The following NFYC variants were observed in gnomAD, a reference collection of about 807,000 sequenced individuals.
NFYC encodes CAAT box DNA-binding protein subunit C.
A neutral mutation model predicts 53.1 loss-of-function variants in NFYC; 25 were observed. That is an observed-to-expected ratio of 0.47 (90% confidence interval 0.34 to 0.66). The LOEUF (loss-of-function observed/expected upper bound fraction) is 0.66, where lower values mean the gene tolerates loss of function less well. NFYC is among the 30% of genes least tolerant of loss of function. The pLI is 0.01. For synonymous variants in NFYC, 145 were observed against 152.6 expected (o/e 0.95, Z 0.37); for missense variants, 260 against 422.7 (o/e 0.62, Z 3.38).
chr1:40,708,694 A>G (rs1643836588), intron 1 of NFYC, among the ~76,000 whole-genome samples: 1 of 152,258 alleles, frequency 6.6e-6, no homozygotes, highest in Non-Finnish European at 1.5e-5. Flanking sequence ...TGCCACTAAC[A>G]TAATGACAGA....
intron 1 of NFYC, among the ~76,000 whole-genome samples, chr1:40,721,946 G>A (rs1009340481): frequency 3.9e-5 from 6 of 152,078 alleles, no homozygotes; most frequent in Non-Finnish European, 7.4e-5. Flanking sequence ...CAAGGTGGGC[G>A]GATCAGGAGG....
At chr1:40,692,367 G>A (rs1400412860) in intron 1 of NFYC, 2 of 153,264 alleles carry the variant, frequency 1.3e-5, no homozygotes, top group African/African-American at 4.8e-5. Context: ...GGGTAGCTTA[G>A]GCCATGGCCT....
At chr1:40,730,111 A>G (rs954242468) in intron 1 of NFYC, among the ~76,000 whole-genome samples, 4 of 151,846 alleles carry the variant, frequency 2.6e-5, no homozygotes, top group African/African-American at 7.3e-5. Flanking sequence ...CTGCTGCCCA[A>G]GTGATCCTCC....
At chr1:40,764,091 T>A (rs1386912258) in intron 7 of NFYC, among the ~76,000 whole-genome samples, 1 of 152,252 alleles carries the variant, frequency 6.6e-6, no homozygotes, top group Non-Finnish European at 1.5e-5. Context: ...TTATTTGTAC[T>A]CCTTTTGTAA....
At chr1:40,692,688 C>A (rs1261075333) in intron 1 of NFYC, among the ~76,000 whole-genome samples, 1 of 152,030 alleles carries the variant, frequency 6.6e-6, no homozygotes, top group East Asian at 1.9e-4. Flanking sequence ...GCCCTGGAGT[C>A]CAGAGTCAAC....
At chr1:40,697,378 T>C (rs1643206289) in intron 1 of NFYC, among the ~76,000 whole-genome samples, 1 of 152,168 alleles carries the variant, frequency 6.6e-6, no homozygotes, top group African/African-American at 2.4e-5. Flanking sequence ...CCTAATTTAG[T>C]TGTGCTGTTG....
At chr1:40,750,076 T>C (rs1242255443) in intron 4 of NFYC, among the ~76,000 whole-genome samples, 1 of 152,194 alleles carries the variant, frequency 6.6e-6, no homozygotes, top group Non-Finnish European at 1.5e-5. Context: ...CCAGGAAGTA[T>C]CATCAGTCTC....
chr1:40,749,753 G>A lies in NFYC; in HGVS notation c.291+67G>A. ...CAGCCTTTGCCTGTTTTCCTGCGTGGTGTTGGAGAAAGATTGTTCTCCTTT... is the reference window on the plus strand; with the variant it reads ...CAGCCTTTGCCTGTTTTCCTGCGTGATGTTGGAGAAAGATTGTTCTCCTTT... On this transcript the variant is annotated intron_variant, in intron 4 of 9. Transcript: ENST00000447388. The A allele has an allele frequency of 2.3e-6, 3 of 1,299,530 alleles. No individual in the cohort carries two copies. The South Asian group carries it at 3.6e-5, about 15-fold the overall frequency. 80.5% of individuals were successfully genotyped at this position (1,299,530 alleles called of 1,614,324 possible). A position where few individuals can be genotyped will look rare whatever the true frequency, so the allele number is the denominator to read the frequency against.
chr1:40,766,382 G>T (rs1375342399), intron 7 of NFYC, among the ~76,000 whole-genome samples: 2 of 152,152 alleles, frequency 1.3e-5, no homozygotes, highest in African/African-American at 2.4e-5. Context: ...TCCATTCAGG[G>T]AATATATTCT....
At chr1:40,695,180 A>G (rs1643061433) in intron 1 of NFYC, among the ~76,000 whole-genome samples, 1 of 152,194 alleles carries the variant, frequency 6.6e-6, no homozygotes, top group Non-Finnish European at 1.5e-5. Context: ...TAGAGGTTGC[A>G]GTGAGCTGAG....
chr1:40,732,731 T>C (rs969216643), intron 1 of NFYC, among the ~76,000 whole-genome samples: 6 of 152,200 alleles, frequency 3.9e-5, no homozygotes, highest in African/African-American at 1.2e-4. Flanking sequence ...TTGAAAAGAT[T>C]TACACTTGAG....
chr1:40,705,796 G>C (rs1643666368), intron 1 of NFYC, among the ~76,000 whole-genome samples: 1 of 152,116 alleles, frequency 6.6e-6, no homozygotes, highest in South Asian at 2.1e-4. Context: ...GCCCAGGCTG[G>C]AGGGCAGTGG....
At position 40,738,860 on chromosome 1, in the gene NFYC, G is replaced by A; in HGVS notation, c.17G>A (p.Gly6Glu). MSTEG[G>E]FGGTSSSDAQ... ...GTTGTCGAGATGTCCACAGAAGGAG[G>A]ATTTGGTGGTACTAGCAGCAGTGAT... The change falls in exon 2 of 10, where the codon GGA becomes GAA. Residue 6 changes from glycine (G) to glutamate (E), a missense_variant. Coordinates refer to ENST00000447388, the MANE Select transcript of NFYC (RefSeq NM_014223.5). The A allele has an allele frequency of 6.2e-7, 1 of 1,614,030 alleles. No individual in the cohort carries two copies. The highest frequency in any genetic ancestry group is 8.5e-7 in the Non-Finnish European group (1 of 1,179,884).
chr1:40,703,526 T>C (rs1049312173), intron 1 of NFYC, among the ~76,000 whole-genome samples: 3 of 149,688 alleles, frequency 2.0e-5, no homozygotes, highest in African/African-American at 7.5e-5. Context: ...GTTAACCACA[T>C]TTCCTACATG....
chr1:40,743,811 TG>T (rs1645472322), intron 2 of NFYC, among the ~76,000 whole-genome samples: 1 of 152,204 alleles, frequency 6.6e-6, no homozygotes, highest in South Asian at 2.1e-4. Context: ...CTTAAAATAT[TG>T]ATGCTGATTT....
At chr1:40,754,066 C>T (rs768676893) in intron 5 of NFYC, among the ~76,000 whole-genome samples, 4 of 151,992 alleles carry the variant, frequency 2.6e-5, no homozygotes, top group Non-Finnish European at 5.9e-5. Flanking sequence ...GAAATTGTGG[C>T]AGAATCTCAC....
intron 1 of NFYC, among the ~76,000 whole-genome samples, chr1:40,727,897 G>C (rs575557592): frequency 6.6e-6 from 1 of 152,090 alleles, no homozygotes; most frequent in South Asian, 2.1e-4. Flanking sequence ...AGTTTACTCA[G>C]ATCTGTCTGA....
At chr1:40,708,618 C>T (rs2148443129) in intron 1 of NFYC, among the ~76,000 whole-genome samples, 1 of 152,230 alleles carries the variant, frequency 6.6e-6, no homozygotes, top group South Asian at 2.1e-4. Context: ...TAAAATTTTC[C>T]TATTTAAATT....
chr1:40,765,672 C>G (rs921153343), intron 7 of NFYC, among the ~76,000 whole-genome samples: 3 of 152,172 alleles, frequency 2.0e-5, no homozygotes, highest in African/African-American at 7.2e-5. Flanking sequence ...GAACCCCTTT[C>G]ATTTCCTCTA....
Sources: allele counts gnomAD v4.1 joint callset (sites outside exome capture counted in the v4.1 genomes callset), GRCh38; gene constraint gnomAD v4.1.1; transcripts MANE v1.5; gene names NCBI Gene and HGNC (gene_info 2026-07-23, HGNC 2026-07-21).